The following PCTP variants were observed in gnomAD, a reference collection of about 807,000 sequenced individuals.
PCTP encodes the protein phosphatidylcholine transfer protein.
Under a neutral mutation model 31.0 loss-of-function variants are expected in PCTP, and 27 were observed. The observed-to-expected ratio is 0.87, with a 90% CI of 0.64 to 1.20. The LOEUF is 1.20. PCTP is among the 50% of genes most tolerant of loss of function. PCTP has a pLI of 0.00. For synonymous variants in PCTP, 108 were observed against 101.2 expected (o/e 1.07, Z -0.40); for missense variants, 287 against 268.2 (o/e 1.07, Z -0.49).
chr17:55,757,480 G>GTA (rs936387650), intron 1 of PCTP, among the ~76,000 whole-genome samples: 24 of 149,102 alleles, frequency 1.6e-4, no homozygotes, highest in Non-Finnish European at 3.1e-4. Context: ...ACACACGTAT[G>GTA]TATATATATA....
At chr17:55,846,668 A>G (rs1363642839), downstream of PCTP, among the ~76,000 whole-genome samples, 1 of 152,194 alleles carries the variant, frequency 6.6e-6, no homozygotes, top group African/African-American at 2.4e-5. Context: ...CATCCAAGGA[A>G]GAAATTAAGT....
At chr17:55,768,627 C>G (rs1456215617) in intron 2 of PCTP, among the ~76,000 whole-genome samples, 1 of 152,132 alleles carries the variant, frequency 6.6e-6, no homozygotes, top group Non-Finnish European at 1.5e-5. Flanking sequence ...ACTGCTAGTA[C>G]TAGTAGAACT....
chr17:55,836,057 C>T (rs901673874), intron 5 of PCTP, among the ~76,000 whole-genome samples: 1 of 152,168 alleles, frequency 6.6e-6, no homozygotes, highest in African/African-American at 2.4e-5. Context: ...CTTTATTCTT[C>T]TGTGTTGCAA....
At chr17:55,772,161 A>G (rs2144961969) in intron 3 of PCTP, among the ~76,000 whole-genome samples, 1 of 152,332 alleles carries the variant, frequency 6.6e-6, no homozygotes, top group East Asian at 1.9e-4. Flanking sequence ...TAAAAGGTGT[A>G]GGAGAAAGGA....
At chr17:55,778,753 A>G (rs1911456834), downstream of PCTP, among the ~76,000 whole-genome samples, 1 of 152,166 alleles carries the variant, frequency 6.6e-6, no homozygotes, top group Non-Finnish European at 1.5e-5. Context: ...CACAGTTTGA[A>G]TTGAGTCCGG....
chr17:55,803,892 C>CAAAAAAAA (rs35044645), intron 3 of PCTP, among the ~76,000 whole-genome samples: 4 of 126,502 alleles, frequency 3.2e-5, no homozygotes, highest in African/African-American at 1.1e-4. Context: ...TTCTGCAGAG[C>CAAAAAAAA]AAAAAAAAAA....
intron 2 of PCTP, among the ~76,000 whole-genome samples, chr17:55,784,348 C>T (rs1246459847): frequency 6.6e-6 from 1 of 152,160 alleles, no homozygotes; most frequent in African/African-American, 2.4e-5. Flanking sequence ...CATACACAGT[C>T]AGGATTGCGT....
intron 5 of PCTP, among the ~76,000 whole-genome samples, chr17:55,833,113 T>C (rs1905660034): frequency 6.6e-6 from 1 of 152,184 alleles, no homozygotes; most frequent in Non-Finnish European, 1.5e-5. Context: ...TTAGGAAATA[T>C]CACTCAGGGG....
downstream of PCTP, among the ~76,000 whole-genome samples, chr17:55,847,016 T>C (rs1906166508): frequency 6.6e-6 from 1 of 152,226 alleles, no homozygotes; most frequent in Non-Finnish European, 1.5e-5. Context: ...TTATCTCAAG[T>C]GTCATGAACA....
In PCTP at chr17:55,776,469, G is replaced by A. The variant is rs1197121910; in HGVS notation, c.*369G>A. On this transcript the variant is annotated 3_prime_UTR_variant, in exon 6 of 6. Transcript: ENST00000268896. ...TTCCATTGTGCAATTTTACGGGGAT[G>A]GGTGGGCGGAGGGACACAACAAAAT... 8.1e-7 allele frequency: 1 copy of A among 1,232,128 alleles called. No individual in the cohort carries two copies. Among genetic ancestry groups the A allele is most frequent in the African/African-American group, 1.6e-5 (1 of 64,432 alleles). 76.3% of individuals were successfully genotyped at this position (1,232,128 alleles called of 1,614,324 possible). A position where few individuals can be genotyped will look rare whatever the true frequency, so the allele number is the denominator to read the frequency against.
chr17:55,781,964 G>C (rs1461168705), downstream of PCTP, among the ~76,000 whole-genome samples: 1 of 152,002 alleles, frequency 6.6e-6, no homozygotes, highest in Non-Finnish European at 1.5e-5. Context: ...TATGGAATTG[G>C]CTCATACAAT....
intron 3 of PCTP, among the ~76,000 whole-genome samples, chr17:55,799,409 C>CG (rs1912299041): frequency 9.5e-6 from 1 of 104,940 alleles, no homozygotes; most frequent in Non-Finnish European, 2.0e-5. Flanking sequence ...TTTTTTTTTT[C>CG]GCTTTCCATT....
At chr17:55,844,097 C>T (rs141350835), downstream of PCTP, among the ~76,000 whole-genome samples, 144 of 152,276 alleles carry the variant, frequency 9.5e-4, no homozygotes, top group African/African-American at 3.3e-3. Context: ...AGTTTTTAAA[C>T]GCTACATCCC....
intron 3 of PCTP, among the ~76,000 whole-genome samples, chr17:55,804,207 G>T (rs1912497568): frequency 6.6e-6 from 1 of 152,136 alleles, no homozygotes; most frequent in Admixed American, 6.6e-5. Flanking sequence ...TAAAAAGTCA[G>T]GAAACAACAG....
intron 2 of PCTP, among the ~76,000 whole-genome samples, chr17:55,784,698 AC>A (rs1224839163): frequency 6.6e-6 from 1 of 152,178 alleles, no homozygotes; most frequent in Non-Finnish European, 1.5e-5. Flanking sequence ...AATCCAATAT[AC>A]CATTTACCAT....
intron 3 of PCTP, among the ~76,000 whole-genome samples, chr17:55,800,849 C>A (rs374359160): frequency 6.6e-6 from 1 of 151,832 alleles, no homozygotes; most frequent in Non-Finnish European, 1.5e-5. Context: ...TATTCCTTTC[C>A]GTTTGTTAGT....
At chr17:55,792,543 G>T (rs1598000918) in intron 3 of PCTP, among the ~76,000 whole-genome samples, 2 of 152,118 alleles carry the variant, frequency 1.3e-5, no homozygotes, top group East Asian at 1.9e-4. Flanking sequence ...CCAGAAAAAA[G>T]AACTTTTTAA....
chr17:55,821,116 C>G (rs1913098935), intron 3 of PCTP, among the ~76,000 whole-genome samples: 1 of 152,186 alleles, frequency 6.6e-6, no homozygotes, highest in South Asian at 2.1e-4. Flanking sequence ...GAGCATTTTT[C>G]ATAATAGGCA....
At chr17:55,773,697 G>T (rs751607893) in intron 3 of PCTP, 27 bp from the exon 4 acceptor site, 19 of 1,586,498 alleles carry the variant, frequency 1.2e-5, no homozygotes, top group Non-Finnish European at 1.6e-5. Flanking sequence ...TGCTGGCGTT[G>T]GTGTCTTGCC....
Sources: gnomAD v4.1 joint callset for allele counts (sites outside exome capture counted in the v4.1 genomes callset) on GRCh38, gnomAD v4.1.1 for gene constraint, MANE v1.5 for transcripts, NCBI Gene and HGNC (gene_info 2026-07-23, HGNC 2026-07-21) for gene names.